The following ANK2 variants were observed in gnomAD, a reference collection of about 807,000 sequenced individuals.
The protein encoded by ANK2 is ankyrin-2.
A neutral mutation model predicts 360.5 loss-of-function variants in ANK2; 83 were observed. That is an observed-to-expected ratio of 0.23 (90% CI 0.19 to 0.28). The LOEUF (loss-of-function observed/expected upper bound fraction) is 0.28. Ranked by LOEUF, ANK2 falls within the 10% of genes least tolerant of loss-of-function variation. The pLI is 1.00. For missense variants in ANK2, 4,201 were observed against 4,795.7 expected, an observed-to-expected ratio of 0.88 and a Z score of 3.66; for synonymous variants, 1,740 against 1,759.5, an observed-to-expected ratio of 0.99 and a Z score of 0.28.
the ANK2 span, among the ~76,000 whole-genome samples, chr4:112,811,348 G>A: frequency 6.6e-6 from 1 of 152,118 alleles, no homozygotes; most frequent in Admixed American, 6.5e-5. Context: ...CCTGGAGACT[G>A]GAAATTTTGA....
At chr4:113,337,668 C>T (rs1011707377) in intron 31 of ANK2, among the ~76,000 whole-genome samples, 4 of 151,776 alleles carry the variant, frequency 2.6e-5, no homozygotes, top group African/African-American at 9.7e-5. Context: ...TTTAATTCAC[C>T]CTTCTTACTC....
chr4:113,379,850 G>A (rs567749750), intron 45 of ANK2, among the ~76,000 whole-genome samples: 2 of 152,276 alleles, frequency 1.3e-5, no homozygotes, highest in African/African-American at 4.8e-5. Flanking sequence ...CAGGATGATC[G>A]TAACAAATGC....
chr4:112,892,621 T>G (rs1378267214), intron 1 of ANK2, among the ~76,000 whole-genome samples: 6 of 152,256 alleles, frequency 3.9e-5, no homozygotes, highest in Admixed American at 3.9e-4. Context: ...CTATGAATGC[T>G]GACATTGTCC....
chr4:112,909,840 T>C (rs1474522562), intron 2 of ANK2, among the ~76,000 whole-genome samples: 1 of 152,222 alleles, frequency 6.6e-6, no homozygotes, highest in East Asian at 1.9e-4. Flanking sequence ...TTCATTTTTT[T>C]ACTTTTTTCA....
Position 113,049,788 on chromosome 4 carries a change from T to C in ANK2, c.60T>C (p.Ser20=). 1 of 1,613,816 alleles carries C rather than the reference T, an allele frequency of 6.2e-7. No individual in the cohort carries two copies. The highest frequency in any genetic ancestry group is 8.5e-7 in the Non-Finnish European group (1 of 1,179,844). Residue 20 remains serine (S), a synonymous_variant, in exon 1 of 46, where the codon AGT becomes AGC. Transcript: ENST00000357077. The part of the protein sequence containing the change: ...SDSGEKFNGS[S]QRRKRPKKSD... ...GTGGAGAGAAGTTCAACGGCAGTAGTCAGAGGAGAAAAAGACCCAAGAAGG... is the reference window on the plus strand; with the variant it reads ...GTGGAGAGAAGTTCAACGGCAGTAGCCAGAGGAGAAAAAGACCCAAGAAGG...
At chr4:113,340,340 T>A (rs1264841558) in intron 32 of ANK2, among the ~76,000 whole-genome samples, 1 of 152,096 alleles carries the variant, frequency 6.6e-6, no homozygotes, top group Non-Finnish European at 1.5e-5. Flanking sequence ...GATGCAAAGA[T>A]AGAATGAGAA....
intron 39 of ANK2, among the ~76,000 whole-genome samples, chr4:113,361,500 G>C (rs1324895446): frequency 6.8e-6 from 1 of 146,738 alleles, no homozygotes; most frequent in Admixed American, 6.8e-5. Flanking sequence ...TCATCTACTT[G>C]TGACTTAACC....
chr4:112,788,879 C>A, the ANK2 span: 1 of 744,286 alleles, frequency 1.3e-6, no homozygotes, highest in Middle Eastern at 3.7e-4. Flanking sequence ...CTTTCAGCAT[C>A]TTGGGCTGCG....
chr4:113,294,121 G>A (rs1272057156), intron 22 of ANK2, among the ~76,000 whole-genome samples: 1 of 152,160 alleles, frequency 6.6e-6, no homozygotes, highest in East Asian at 1.9e-4. Flanking sequence ...TATTTTCTCT[G>A]TTTTGAATAC....
At chr4:113,176,450 T>C (rs910943260) in intron 2 of ANK2, among the ~76,000 whole-genome samples, 1 of 152,170 alleles carries the variant, frequency 6.6e-6, no homozygotes, top group Non-Finnish European at 1.5e-5. Context: ...TTTTTCATTA[T>C]GAATCATTTT....
At chr4:112,980,450 AT>A (rs139044255) in intron 2 of ANK2, 5,365 of 152,286 alleles carry the variant, frequency 0.035, 194 homozygotes, top group African/African-American at 0.086. Flanking sequence ...GGAGTGTGCA[AT>A]CCCGGCCGCA....
At position 113,145,089 on chromosome 4, in the gene ANK2, C is replaced by T. The variant is rs530005635; in HGVS notation, c.85-29327C>T. 3.6e-4 allele frequency among the ~76,000 whole-genome samples: 55 copies of T among 152,062 alleles called. No homozygotes were observed. The Middle Eastern group carries it at 0.01, about 28-fold the overall frequency. On this transcript the variant is annotated intron_variant, in intron 1 of 45. Transcript: ENST00000357077. Reference sequence around the variant, plus strand: ...ATTTTCAAAATACTAAAAATTAAAACGAATTATAAATGAATCAACATGTTT... The same window carrying T: ...ATTTTCAAAATACTAAAAATTAAAATGAATTATAAATGAATCAACATGTTT...
In ANK2 at chr4:113,356,476, T is replaced by A. The variant is rs757758875; in HGVS notation, c.7858T>A (p.Ser2620Thr). Residue 2620 changes from serine to threonine, a missense_variant, in exon 38 of 46, where the codon TCT (serine) becomes ACT (threonine). Transcript: ENST00000357077. ...CAAAAAAGAACCCAAACAAGAAGAA[T>A]CTTCTTCATCTTCTGACCCAGATGC... ...DYKKEPKQEESSSSSDPDADC... is the reference protein window; with the variant it reads ...DYKKEPKQEETSSSSDPDADC... The A allele has an allele frequency of 6.2e-7, 1 of 1,613,998 alleles. No homozygotes were observed. The highest frequency in any genetic ancestry group is 8.5e-7 in the Non-Finnish European group (1 of 1,179,908).
Position 113,041,003 on chromosome 4 carries a change from C to T in ANK2, c.22-133413C>T, listed in dbSNP as rs184893963. Among the ~76,000 whole-genome samples, 7 of 152,156 alleles carry T rather than the reference C, an allele frequency of 4.6e-5. No homozygotes were observed. The East Asian group carries it at 1.4e-3, about 30-fold the overall frequency. ...TCTTGTTTCTCACTTCCTCCTAGGA[C>T]TTGTGAATATAACATTTTTGGTGGT... On this transcript the variant is annotated intron_variant, in intron 2 of 30. Transcript: ENST00000503271.
intron 45 of ANK2, among the ~76,000 whole-genome samples, chr4:113,379,354 T>C (rs542131178): frequency 6.6e-6 from 1 of 152,318 alleles, no homozygotes; most frequent in South Asian, 2.1e-4. Context: ...GACAACTCCA[T>C]AGAGTTTCCA....
At chr4:113,143,886 A>T (rs929134676) in intron 1 of ANK2, among the ~76,000 whole-genome samples, 2 of 152,228 alleles carry the variant, frequency 1.3e-5, no homozygotes, top group Non-Finnish European at 2.9e-5. Flanking sequence ...CTACCATATT[A>T]TGATGAATCG....
intron 1 of ANK2, chr4:113,117,203 C>T (rs1582067403): frequency 2.4e-6 from 1 of 419,794 alleles, no homozygotes; most frequent in Non-Finnish European, 4.7e-6. Context: ...GGGAAAATCA[C>T]ATCTCCATAG....
At chr4:112,806,278 C>G in the ANK2 span, among the ~76,000 whole-genome samples, 1 of 152,216 alleles carries the variant, frequency 6.6e-6, no homozygotes, top group East Asian at 1.9e-4. Flanking sequence ...TTTTACCTCC[C>G]ACGTATGAAT....
the ANK2 span, among the ~76,000 whole-genome samples, chr4:112,748,373 G>A: frequency 1.3e-5 from 2 of 152,138 alleles, no homozygotes; most frequent in Non-Finnish European, 2.9e-5. Context: ...TTAGACTTGA[G>A]CCTGCTATGG....
Sources: gnomAD v4.1 joint callset for allele counts (sites outside exome capture counted in the v4.1 genomes callset) on GRCh38, gnomAD v4.1.1 for gene constraint, MANE v1.5 for transcripts, NCBI Gene and HGNC (gene_info 2026-07-23, HGNC 2026-07-21) for gene names.